Variants in SOD2 observed in about 807,000 individuals in gnomAD.
SOD2 encodes superoxide dismutase 2, also known as superoxide dismutase [Mn], mitochondrial.
A neutral mutation model predicts 27.0 loss-of-function variants in SOD2; 11 were observed. The ratio of observed to expected loss-of-function variants is 0.41; its 90% CI spans 0.26 to 0.67. The LOEUF is 0.67. Among genes scored for constraint, SOD2 ranks in the 30% least tolerant of loss-of-function variants. The pLI is 0.34. For synonymous variants in SOD2, 105 were observed against 103.0 expected (o/e 1.02, Z -0.12); for missense variants, 250 against 274.5 (o/e 0.91, Z 0.63).
chr6:159,694,761 A>AT (rs34851405), upstream of SOD2, among the ~76,000 whole-genome samples: 87,918 of 140,424 alleles, frequency 0.63, 28,225 homozygotes, highest in Admixed American at 0.71. Flanking sequence ...ACGCCCCACT[A>AT]TTTTTTTTTT....
chr6:159,721,540 G>C (rs1394768231), intron 1 of SOD2, among the ~76,000 whole-genome samples: 2 of 151,618 alleles, frequency 1.3e-5, no homozygotes, highest in African/African-American at 4.9e-5. Flanking sequence ...GGCTAATTTT[G>C]TATTTTTAGT....
At position 159,680,525 on chromosome 6, in the gene SOD2, T is replaced by C. The variant is rs1057080528; in HGVS notation, c.*1968A>G. On this transcript the variant is annotated 3_prime_UTR_variant, in exon 5 of 5. Transcript: ENST00000538183. ...TTTTTTTAAACTTCAGTCTTCAATA[T>C]TGAAACTGCTAAGTTACCCCATTTT... 4.0e-5 allele frequency: 6 copies of C among 151,580 alleles called. No homozygotes were observed. The highest frequency in any genetic ancestry group is 7.3e-5 in the African/African-American group (3 of 41,194). The allele number at this position is 151,580 out of a possible 1,614,324, so 9.4% of individuals were successfully genotyped here. A position where few individuals can be genotyped will look rare whatever the true frequency, so the allele number is the denominator to read the frequency against.
At chr6:159,703,986 T>C (rs147452293) in intron 1 of SOD2, among the ~76,000 whole-genome samples, 12 of 152,320 alleles carry the variant, frequency 7.9e-5, no homozygotes, top group Admixed American at 3.3e-4. Context: ...TAAACTTTTG[T>C]TTTCTTTAAA....
intron 3 of SOD2, 40 bp from the exon 4 acceptor site, chr6:159,685,073 G>T: frequency 4.8e-6 from 7 of 1,466,568 alleles, no homozygotes; most frequent in Non-Finnish European, 6.4e-6. Flanking sequence ...CAAATGAACA[G>T]ATTTCAATAA....
At chr6:159,716,652 G>A (rs997139844) in intron 1 of SOD2, among the ~76,000 whole-genome samples, 1 of 152,194 alleles carries the variant, frequency 6.6e-6, no homozygotes, top group Admixed American at 6.5e-5. Flanking sequence ...TCAAGGGCAT[G>A]ACGGGAGGGG....
At chr6:159,740,851 G>T (rs1343802318) in intron 1 of SOD2, among the ~76,000 whole-genome samples, 1 of 151,830 alleles carries the variant, frequency 6.6e-6, no homozygotes, top group South Asian at 2.1e-4. Context: ...ACGGGCATGC[G>T]CCACCATGCC....
upstream of SOD2, chr6:159,727,366 G>A: frequency 5.7e-6 from 7 of 1,223,682 alleles, no homozygotes; most frequent in Non-Finnish European, 7.4e-6. Context: ...ATGGCGGAGC[G>A]GGGAGGCTGG....
intron 1 of SOD2, chr6:159,725,689 A>G (rs1778147565): frequency 6.6e-6 from 1 of 151,954 alleles, no homozygotes; most frequent in African/African-American, 2.4e-5. Context: ...GCAACTAAAA[A>G]TGTTAAGTTT....
At chr6:159,703,330 T>G (rs1417146144) in intron 1 of SOD2, among the ~76,000 whole-genome samples, 1 of 151,858 alleles carries the variant, frequency 6.6e-6, no homozygotes, top group African/African-American at 2.4e-5. Flanking sequence ...TATGTATGTA[T>G]GGAAATTCTG....
chr6:159,709,388 A>G lies in SOD2; in HGVS notation c.-115-16525T>C, dbSNP rs376608517. ...CTCATCTGACAAAGGGCTAATATCC[A>G]GAATCTACAAAGAACTCAAACAAAT... On this transcript the variant is annotated intron_variant, in intron 1 of 2. Transcript: ENST00000401980. 1.8e-4 allele frequency among the ~76,000 whole-genome samples: 28 copies of G among 152,340 alleles called. No individual in the cohort carries two copies. The South Asian group carries it at 5.8e-3, about 32-fold the overall frequency.
chr6:159,678,755 G>A lies in SOD2; in HGVS notation c.*3738C>T, dbSNP rs538750412. 6.6e-6 allele frequency: 1 copy of A among 152,292 alleles called. No homozygotes were observed. The highest frequency in any genetic ancestry group is 2.1e-4 in the South Asian group (1 of 4,818). 9.4% of individuals were successfully genotyped at this position (152,292 alleles called of 1,614,324 possible). A position where few individuals can be genotyped will look rare whatever the true frequency, so the allele number is the denominator to read the frequency against. ...GGACTTGCGATTGGTATCTGGAGTG[G>A]GGGCAGTCTTGTGGGCTGAGCCCTC... On this transcript the variant is annotated 3_prime_UTR_variant, in exon 5 of 5. Coordinates refer to ENST00000538183, the MANE Select transcript of SOD2 (RefSeq NM_000636.4).
chr6:159,709,568 T>C (rs1253430412), intron 1 of SOD2, among the ~76,000 whole-genome samples: 1 of 152,150 alleles, frequency 6.6e-6, no homozygotes, highest in African/African-American at 2.4e-5. Context: ...CACAATGAGA[T>C]ATCATCTCAC....
rs1012942994 is a variant in SOD2 at position 159,672,832 on chromosome 6, T to G, written c.*9661A>C. The G allele has an allele frequency of 6.6e-6, 1 of 151,860 alleles. No homozygotes were observed. The highest frequency in any genetic ancestry group is 1.5e-5 in the Non-Finnish European group (1 of 68,014). The allele number at this position is 151,860 out of a possible 1,614,324, so 9.4% of individuals were successfully genotyped here. A position where few individuals can be genotyped will look rare whatever the true frequency, so the allele number is the denominator to read the frequency against. On this transcript the variant is annotated 3_prime_UTR_variant, in exon 5 of 5. Transcript: ENST00000538183. ...AAAGAGTCAAGACCCATCAGGGTGC[T>G]GTATTCAGGAAACCCATCTCACGTA...
chr6:159,724,103 TTTATA>T (rs1008278925), intron 1 of SOD2, among the ~76,000 whole-genome samples: 1 of 152,136 alleles, frequency 6.6e-6, no homozygotes, highest in East Asian at 1.9e-4. Flanking sequence ...CTTAAAATTC[TTTATA>T]TTAGTTTCCA....
chr6:159,743,662 C>A lies in SOD2; in HGVS notation c.-116+1468G>T. 1 of 1,582,494 alleles carries A rather than the reference C, an allele frequency of 6.3e-7. No individual in the cohort carries two copies. Among genetic ancestry groups the A allele is most frequent in the Non-Finnish European group, 8.6e-7 (1 of 1,168,532 alleles). ...TATTTATAATTTTTTTTTGAATCAT[C>A]AGCTAATGATGTAACTGGCCTAAGA... On this transcript the variant is annotated intron_variant, in intron 1 of 3. Coordinates refer to the SOD2 transcript ENST00000537657.
upstream of SOD2, chr6:159,730,751 C>CA (rs1778514522): frequency 6.6e-6 from 1 of 152,172 alleles, no homozygotes; most frequent in Non-Finnish European, 1.5e-5. Flanking sequence ...TTAAAAGTGA[C>CA]TCTGAGAGTT....
chr6:159,675,112 G>T lies in SOD2; in HGVS notation c.*7381C>A, dbSNP rs1399518778. 1 of 152,130 alleles carries T rather than the reference G, an allele frequency of 6.6e-6. No homozygotes were observed. Among genetic ancestry groups the T allele is most frequent in the Non-Finnish European group, 1.5e-5 (1 of 68,030 alleles). 9.4% of individuals were successfully genotyped at this position (152,130 alleles called of 1,614,324 possible). The stretch of plus-strand genomic sequence containing the variant: ...GAAATAAAAGAGGACACAAACAAAT[G>T]GAAGAACATTCCATGCTCATGGATA... On this transcript the variant is annotated 3_prime_UTR_variant, in exon 5 of 5. Coordinates refer to ENST00000538183, the MANE Select transcript of SOD2 (RefSeq NM_000636.4).
intron 1 of SOD2, among the ~76,000 whole-genome samples, chr6:159,752,050 A>T (rs1417794301): frequency 2.6e-5 from 4 of 150,974 alleles, no homozygotes; most frequent in Non-Finnish European, 5.9e-5. Context: ...CAACACAGTG[A>T]GACCCCCATC....
intron 1 of SOD2, chr6:159,713,142 T>C: frequency 8.2e-7 from 1 of 1,220,170 alleles, no homozygotes; most frequent in Non-Finnish European, 1.1e-6. Context: ...TGCCCTGTGG[T>C]GCTCTGGAAA....
Sources: allele counts gnomAD v4.1 joint callset (sites outside exome capture counted in the v4.1 genomes callset), GRCh38; gene constraint gnomAD v4.1.1; transcripts MANE v1.5; gene names NCBI Gene and HGNC (gene_info 2026-07-23, HGNC 2026-07-21).